PELP1: variants seen among roughly 807,000 people sequenced by gnomAD.
The protein encoded by PELP1 is proline, glutamate and leucine rich protein 1.
PELP1 carries 32 observed loss-of-function variants against 95.5 expected under a neutral mutation model. The ratio of observed to expected loss-of-function variants is 0.34; its 90% CI spans 0.25 to 0.45. PELP1 has a LOEUF of 0.45. Among genes scored for constraint, PELP1 ranks in the 20% least tolerant of loss-of-function variants. The pLI is 1.00. For synonymous variants in PELP1, 668 were observed against 600.1 expected (o/e 1.11, Z -1.65); for missense variants, 1,358 against 1,444.8 (o/e 0.94, Z 0.97).
chr17:4,702,327 G>T (rs1418364895), intron 1 of PELP1, among the ~76,000 whole-genome samples: 1 of 152,202 alleles, frequency 6.6e-6, no homozygotes, highest in East Asian at 1.9e-4. Flanking sequence ...GCTGAGGTGG[G>T]AGGATCCCTT....
In PELP1 at chr17:4,671,698, T is replaced by C; in HGVS notation, c.3293A>G (p.Gln1098Arg). ...METETEAEAL[Q>R]EKEQDDTAAM... ...CCCTGCCTGGCCTCTCACCTTTTCC[T>C]GGAGAGCTTCGGCCTCTGTCTCTGT... The change falls in exon 16 of 17, where the codon CAG becomes CGG. Residue 1098 changes from glutamine to arginine, a missense_variant. Physicochemically the swap from Gln to Arg is conservative, Grantham distance 43. Coordinates refer to ENST00000572293, the MANE Select transcript of PELP1 (RefSeq NM_014389.3). The C allele has an allele frequency of 6.4e-7, 1 of 1,571,014 alleles. No homozygotes were observed. The highest frequency in any genetic ancestry group is 8.6e-7 in the Non-Finnish European group (1 of 1,163,194).
rs1341759129 is a variant in PELP1 at position 4,676,350 on chromosome 17, T to C, written c.853+7A>G. On this transcript the variant is annotated splice_region_variant and intron_variant, in intron 7 of 16. Coordinates refer to ENST00000572293, the MANE Select transcript of PELP1 (RefSeq NM_014389.3). Reference sequence around the variant, plus strand: ...TTGTTCCACTAACTAGCAGCCCTGGTCCCTACCAGTCTCTGCTCCCTCGTA... The same window carrying C: ...TTGTTCCACTAACTAGCAGCCCTGGCCCCTACCAGTCTCTGCTCCCTCGTA... The C allele has an allele frequency of 2.5e-6, 4 of 1,612,396 alleles. No individual in the cohort carries two copies. The highest frequency in any genetic ancestry group is 4.5e-5 in the East Asian group (2 of 44,868).
At position 4,675,952 on chromosome 17, in the gene PELP1, A is replaced by G; in HGVS notation, c.981-68T>C. On this transcript the variant is annotated intron_variant, in intron 8 of 16. Transcript: ENST00000572293. The surrounding 1 kb of genome is among the most constrained non-coding windows in gnomAD (Gnocchi z 4.3). ...TGGCATAACTCCCACACCCACCTTC[A>G]TCTCCTTTCTCCTGATGAAGGCGAC... 4 of 1,593,096 alleles carry G rather than the reference A, an allele frequency of 2.5e-6. No individual in the cohort carries two copies. The South Asian group carries it at 4.5e-5, about 18-fold the overall frequency.
chr17:4,697,872 C>A (rs1350145739), intron 1 of PELP1, among the ~76,000 whole-genome samples: 2 of 151,820 alleles, frequency 1.3e-5, no homozygotes, highest in Non-Finnish European at 2.9e-5. Flanking sequence ...TTATCTCCCC[C>A]CAAGACACTT....
rs199676748 is a variant in PELP1, at chr17:4,704,087, G to C, written c.25C>G (p.Pro9Ala). 435 of 1,610,388 alleles carry C rather than the reference G, an allele frequency of 2.7e-4. 1 individual carries two copies. In the African/African-American group the frequency reaches 5.1e-3, roughly 19 times the overall value. ...ACCCCAGCCGCGGAGCCCGCAGAGG[G>C]CCCACTCAGAACGGCTGCCGCCATC... Reference protein sequence around the residue: MAAAVLSGPSAGSAAGVPG... With the variant: MAAAVLSGASAGSAAGVPG... Residue 9 changes from proline to alanine, a missense_variant, in exon 1 of 17, where the codon CCC (proline) becomes GCC (alanine). Coordinates refer to ENST00000572293, the MANE Select transcript of PELP1 (RefSeq NM_014389.3).
chr17:4,685,043 A>G (rs1912855609), intron 3 of PELP1, among the ~76,000 whole-genome samples: 1 of 152,062 alleles, frequency 6.6e-6, no homozygotes, highest in Non-Finnish European at 1.5e-5. Context: ...GTAATCACCC[A>G]ATTTCTCTCC....
intron 5 of PELP1, 87 bp downstream of exon 5, chr17:4,682,415 T>C (rs1273086179): frequency 9.3e-6 from 8 of 862,356 alleles, no homozygotes; most frequent in East Asian, 2.4e-5. Context: ...AATCAGAAGA[T>C]AGGTGCTTAG....
rs557518872 is a variant in PELP1, at chr17:4,674,966, G to A, written c.1275-10C>T. The A allele has an allele frequency of 5.6e-6, 9 of 1,607,752 alleles. No individual in the cohort carries two copies. The highest frequency in any genetic ancestry group is 3.3e-5 in the Admixed American group (2 of 59,828). ...CTTGGTCCGAACCGTGCTGTGTCAT[G>A]AGCAAAGATGGCAGTTATGAATGGG... On this transcript the variant is annotated splice_polypyrimidine_tract_variant and intron_variant, in intron 11 of 16. Coordinates refer to ENST00000572293, the MANE Select transcript of PELP1 (RefSeq NM_014389.3).
In PELP1 at chr17:4,675,488, C is replaced by T; in HGVS notation, c.1069-126G>A. The T allele has an allele frequency of 1.4e-6, 1 of 737,926 alleles. No homozygotes were observed. The highest frequency in any genetic ancestry group is 2.4e-6 in the Non-Finnish European group (1 of 416,560). 45.7% of individuals were successfully genotyped at this position (737,926 alleles called of 1,614,324 possible). On this transcript the variant is annotated intron_variant, in intron 9 of 16. Transcript: ENST00000572293. This position sits in a 1 kb window ranked among gnomAD's most constrained non-coding sequence, Gnocchi z 4.3. ...AGAAACCCAACCCCTGATCTCAGCT[C>T]TCCCAACAAAATCAAACCCCTATCC...
chr17:4,676,926 A>G, intron 5 of PELP1, 114 bp from the exon 6 acceptor site: 1 of 790,582 alleles, frequency 1.3e-6, no homozygotes. Flanking sequence ...TTTCCTGTAG[A>G]CACAAGAAGC....
At chr17:4,682,985 C>A in intron 3 of PELP1, 33 bp from the exon 4 acceptor site, 7 of 1,441,052 alleles carry the variant, frequency 4.9e-6, no homozygotes, top group Non-Finnish European at 5.5e-6. Flanking sequence ...GTGCTTCCAG[C>A]CTCACCTTGA....
At position 4,673,942 on chromosome 17, in the gene PELP1, C is replaced by T; in HGVS notation, c.1583-268G>A. ...TTGGGAACAATCGGTTCTCCCCTTC[C>T]CATGGGATGGGGTGGCAGGCAGTGA... On this transcript the variant is annotated intron_variant, in intron 13 of 16. Transcript: ENST00000572293. This position sits in a 1 kb window ranked among gnomAD's most constrained non-coding sequence, Gnocchi z 5.7. The T allele has an allele frequency of 2.2e-6, 1 of 452,136 alleles. No individual in the cohort carries two copies. The highest frequency in any genetic ancestry group is 4.0e-6 in the Non-Finnish European group (1 of 249,310). The allele number at this position is 452,136 out of a possible 1,614,324, so 28.0% of individuals were successfully genotyped here. A position where few individuals can be genotyped will look rare whatever the true frequency, so the allele number is the denominator to read the frequency against.
rs376432199 is a variant in PELP1 at position 4,672,453 on chromosome 17, C to T, written c.2538G>A (p.Pro846=). ...PGPLPPPPPP[P]PPVPGPVTLP... ...GCGTCACAGGACCAGGAACAGGCGG[C>T]GGCGGAGGTGGGGGTGGCGGGAGAG... The change falls in exon 16 of 17, where the codon CCG becomes CCA. Residue 846 remains proline, a synonymous_variant. Transcript: ENST00000572293. 173 of 1,514,266 alleles carry T rather than the reference C, an allele frequency of 1.1e-4. No homozygotes were observed. Among genetic ancestry groups the T allele is most frequent in the Non-Finnish European group, 1.4e-4 (159 of 1,124,576 alleles). The allele number at this position is 1,514,266 out of a possible 1,614,324, so 93.8% of individuals were successfully genotyped here.
chr17:4,689,179 C>CA (rs1171197204), intron 3 of PELP1, among the ~76,000 whole-genome samples: 3 of 152,210 alleles, frequency 2.0e-5, no homozygotes, highest in African/African-American at 7.2e-5. Context: ...TCACCTTACA[C>CA]AAAAATCAGC....
intron 1 of PELP1, chr17:4,696,509 C>T (rs1013200678): frequency 1.3e-5 from 2 of 152,072 alleles, no homozygotes; most frequent in South Asian, 2.1e-4. Context: ...AGGTGATTAC[C>T]GACTTTCACC....
chr17:4,685,754 C>T (rs1462997713), intron 3 of PELP1, among the ~76,000 whole-genome samples: 2 of 145,654 alleles, frequency 1.4e-5, no homozygotes, highest in Admixed American at 1.4e-4. Flanking sequence ...GATCACACCA[C>T]TATATTCTAG....
chr17:4,672,683 T>C lies in PELP1; in HGVS notation c.2308A>G (p.Lys770Glu), dbSNP rs377330384. The C allele has an allele frequency of 1.9e-6, 3 of 1,613,418 alleles. No homozygotes were observed. The highest frequency in any genetic ancestry group is 2.7e-5 in the African/African-American group (2 of 74,914). ...ATCTCCACATCAGATGCCTCCTCCT[T>C]GTCATAGTGGACAAAGGCTGGTCTG... ...VPRPAFVHYDKEEASDVEISL... is the reference protein window; with the variant it reads ...VPRPAFVHYDEEEASDVEISL... Residue 770 changes from lysine (K) to glutamate (E), a missense_variant, in exon 16 of 17, where the codon AAG becomes GAG. Coordinates refer to ENST00000572293, the MANE Select transcript of PELP1 (RefSeq NM_014389.3).
chr17:4,700,293 A>G (rs1368234105), intron 1 of PELP1, among the ~76,000 whole-genome samples: 1 of 152,022 alleles, frequency 6.6e-6, no homozygotes, highest in Non-Finnish European at 1.5e-5. Context: ...TAATCCCAAC[A>G]TTTTGGGAGG....
intron 3 of PELP1, among the ~76,000 whole-genome samples, chr17:4,690,050 G>C (rs1188375124): frequency 6.6e-6 from 1 of 152,036 alleles, no homozygotes; most frequent in African/African-American, 2.4e-5. Context: ...CAGAGAGAGA[G>C]AGAGAAAATG....
Sources: allele counts gnomAD v4.1 joint callset (sites outside exome capture counted in the v4.1 genomes callset), GRCh38; gene constraint gnomAD v4.1.1; non-coding constraint Gnocchi (gnomAD v3.1); transcripts MANE v1.5; gene names NCBI Gene and HGNC (gene_info 2026-07-23, HGNC 2026-07-21).